The following NRXN1 variants were observed in gnomAD, a reference collection of about 807,000 sequenced individuals.
NRXN1 encodes the protein neurexin-1.
A neutral mutation model predicts 150.9 loss-of-function variants in NRXN1; 39 were observed. That is an observed-to-expected ratio of 0.26 (90% CI 0.20 to 0.34). The LOEUF (loss-of-function observed/expected upper bound fraction) is 0.34, where lower values mean the gene tolerates loss of function less well. Among genes scored for constraint, NRXN1 ranks in the 10% least tolerant of loss-of-function variants. The pLI, the probability that NRXN1 is intolerant of heterozygous loss-of-function variation, is 1.00. For missense variants in NRXN1, 1,815 were observed against 1,949.9 expected (o/e 0.93, Z 1.30); for synonymous variants, 924 against 757.0 (o/e 1.22, Z -3.62).
At chr2:50,071,381 T>C (rs718625) in intron 19 of NRXN1, among the ~76,000 whole-genome samples, 3,442 of 152,226 alleles carry the variant, frequency 0.023, 133 homozygotes, top group African/African-American at 0.078. Context: ...AATGTGATGG[T>C]TTCTGGAAAC....
intron 5 of NRXN1, among the ~76,000 whole-genome samples, chr2:50,806,218 C>CA (rs750727576): frequency 1.2e-4 from 18 of 152,014 alleles, no homozygotes; most frequent in Non-Finnish European, 2.1e-4. Context: ...TAAAGATGGT[C>CA]AATCTATTCA....
In NRXN1 at chr2:50,194,223, C is replaced by T. The variant is rs1298907632; in HGVS notation, c.3546+42566G>A. On this transcript the variant is annotated intron_variant, in intron 18 of 22. Coordinates refer to ENST00000401669, the MANE Select transcript of NRXN1 (RefSeq NM_001330078.2). ...TCACTTGAATTTTGTGTCCCCAATG[C>T]TTCCTTCATATTCAATCTTACCCGT... Among the ~76,000 whole-genome samples, 7 of 152,104 alleles carry T rather than the reference C, an allele frequency of 4.6e-5. No individual in the cohort carries two copies. In the East Asian group the frequency reaches 7.7e-4, roughly 17 times the overall value.
At chr2:50,747,044 C>T (rs947356400) in intron 5 of NRXN1, among the ~76,000 whole-genome samples, 4 of 151,904 alleles carry the variant, frequency 2.6e-5, no homozygotes, top group African/African-American at 9.7e-5. Context: ...AAAAATGAAC[C>T]CAGTTCATGT....
intron 19 of NRXN1, among the ~76,000 whole-genome samples, chr2:50,067,375 A>C (rs1695525756): frequency 6.6e-6 from 1 of 152,236 alleles, no homozygotes; most frequent in Non-Finnish European, 1.5e-5. Context: ...GTTTCATCAG[A>C]TTAATTTGAA....
intron 10 of NRXN1, among the ~76,000 whole-genome samples, chr2:50,536,984 T>A (rs1482176822): frequency 2.0e-5 from 3 of 152,126 alleles, no homozygotes; most frequent in African/African-American, 4.8e-5. Context: ...TGACCTACAA[T>A]AATAACAGCA....
chr2:49,990,376 G>A (rs574053270), intron 21 of NRXN1, among the ~76,000 whole-genome samples: 4 of 152,276 alleles, frequency 2.6e-5, no homozygotes, highest in African/African-American at 4.8e-5. Flanking sequence ...CAGGTGGCCA[G>A]ATGGAAGTTG....
At chr2:50,920,457 G>T (rs536738345) in intron 5 of NRXN1, among the ~76,000 whole-genome samples, 1 of 151,478 alleles carries the variant, frequency 6.6e-6, no homozygotes, top group African/African-American at 2.4e-5. Flanking sequence ...ACAAATATAC[G>T]AGTGTATATA....
chr2:50,340,586 G>A (rs1049892507), intron 17 of NRXN1, among the ~76,000 whole-genome samples: 2 of 152,042 alleles, frequency 1.3e-5, no homozygotes, highest in Admixed American at 1.3e-4. Flanking sequence ...AATATCTCCA[G>A]TTACAATATG....
intron 21 of NRXN1, among the ~76,000 whole-genome samples, chr2:50,040,285 A>G (rs1390830427): frequency 6.6e-6 from 1 of 151,722 alleles, no homozygotes; most frequent in African/African-American, 2.4e-5. Flanking sequence ...GGAACAAGAA[A>G]TTAGATGCAA....
chr2:50,691,299 T>C (rs1004382997), intron 5 of NRXN1, among the ~76,000 whole-genome samples: 23 of 152,156 alleles, frequency 1.5e-4, no homozygotes, highest in African/African-American at 5.6e-4. Context: ...GCATACTGTA[T>C]AGTACTTGAA....
intron 12 of NRXN1, among the ~76,000 whole-genome samples, chr2:50,522,368 G>T (rs572134284): frequency 6.6e-6 from 1 of 152,224 alleles, no homozygotes; most frequent in East Asian, 1.9e-4. Context: ...GATCAATTTG[G>T]TCAACACTCA....
intron 17 of NRXN1, among the ~76,000 whole-genome samples, chr2:50,353,448 G>A (rs1019745819): frequency 1.8e-4 from 27 of 152,080 alleles, no homozygotes; most frequent in African/African-American, 6.5e-4. Context: ...AATGTAGCGT[G>A]ACAACATGAG....
chr2:50,295,776 A>C (rs2073488448), intron 17 of NRXN1, among the ~76,000 whole-genome samples: 1 of 152,342 alleles, frequency 6.6e-6, no homozygotes, highest in African/African-American at 2.4e-5. Flanking sequence ...GGAAGTCAGT[A>C]GGCATAAGGG....
chr2:50,125,387 T>C (rs1704431053), intron 18 of NRXN1, among the ~76,000 whole-genome samples: 1 of 152,046 alleles, frequency 6.6e-6, no homozygotes, highest in South Asian at 2.1e-4. Context: ...ATTTCCAGAG[T>C]TTTCCCTCTT....
chr2:50,071,663 C>G (rs1696314365), intron 19 of NRXN1, among the ~76,000 whole-genome samples: 1 of 152,204 alleles, frequency 6.6e-6, no homozygotes, highest in African/African-American at 2.4e-5. Flanking sequence ...CTCATTTAAG[C>G]TACCACTCTG....
At chr2:50,161,207 T>C (rs1343725291) in intron 18 of NRXN1, among the ~76,000 whole-genome samples, 4 of 152,280 alleles carry the variant, frequency 2.6e-5, no homozygotes, top group South Asian at 4.1e-4. Flanking sequence ...CATTTAACCT[T>C]ACAAAGAATA....
intron 9 of NRXN1, among the ~76,000 whole-genome samples, chr2:50,539,847 A>C (rs2093350196): frequency 6.6e-6 from 1 of 152,224 alleles, no homozygotes; most frequent in South Asian, 2.1e-4. Flanking sequence ...GGTGTGATAC[A>C]GAAGTAAGGA....
intron 5 of NRXN1, among the ~76,000 whole-genome samples, chr2:50,674,870 A>T (rs543156334): frequency 1.3e-5 from 2 of 152,208 alleles, no homozygotes; most frequent in African/African-American, 4.8e-5. Flanking sequence ...CTAAATGAAA[A>T]TAGCCCAGTG....
intron 13 of NRXN1, among the ~76,000 whole-genome samples, chr2:50,503,117 G>GAATTC (rs2092036587): frequency 6.6e-6 from 1 of 152,024 alleles, no homozygotes. Context: ...AGACAAGCCT[G>GAATTC]GCCAACATGG....
Sources: allele counts gnomAD v4.1 joint callset (sites outside exome capture counted in the v4.1 genomes callset), GRCh38; gene constraint gnomAD v4.1.1; transcripts MANE v1.5; gene names NCBI Gene and HGNC (gene_info 2026-07-23, HGNC 2026-07-21).